Variants in LGR4 observed in about 807,000 individuals in gnomAD.
LGR4 encodes leucine rich repeat containing G protein-coupled receptor 4.
A neutral mutation model predicts 84.8 loss-of-function variants in LGR4; 44 were observed. That is an observed-to-expected ratio of 0.52 (90% CI 0.41 to 0.67). The LOEUF is 0.67. Ranked by LOEUF, LGR4 falls within the 30% of genes least tolerant of loss-of-function variation. The pLI is 0.00. For missense variants in LGR4, 1,032 were observed against 1,131.4 expected, an observed-to-expected ratio of 0.91 and a Z score of 1.26; for synonymous variants, 429 against 434.3, an observed-to-expected ratio of 0.99 and a Z score of 0.15.
chr11:27,370,204 A>T (rs1862854164), intron 17 of LGR4, among the ~76,000 whole-genome samples: 1 of 152,252 alleles, frequency 6.6e-6, no homozygotes, highest in South Asian at 2.1e-4. Flanking sequence ...AATTGTTAAG[A>T]TATTCACAGA....
At chr11:27,420,169 A>T (rs901203156) in intron 1 of LGR4, among the ~76,000 whole-genome samples, 3 of 152,172 alleles carry the variant, frequency 2.0e-5, no homozygotes, top group Admixed American at 2.0e-4. Flanking sequence ...GAAAAAAAAT[A>T]ATTCATCCTA....
intron 1 of LGR4, among the ~76,000 whole-genome samples, 177 bp from the exon 2 acceptor site, chr11:27,413,037 TTC>T (rs1863740646): frequency 1.3e-5 from 2 of 152,084 alleles, no homozygotes; most frequent in Admixed American, 1.3e-4. Context: ...AAGTTAAATG[TTC>T]TGTTATAAAT....
At chr11:27,445,986 C>T (rs923582310) in intron 1 of LGR4, among the ~76,000 whole-genome samples, 2 of 152,060 alleles carry the variant, frequency 1.3e-5, no homozygotes, top group African/African-American at 2.4e-5. Context: ...AATAGAATAT[C>T]GAAAGACAAT....
At chr11:27,394,809 C>T (rs1007086299) in intron 2 of LGR4, among the ~76,000 whole-genome samples, 2 of 152,048 alleles carry the variant, frequency 1.3e-5, no homozygotes, top group African/African-American at 4.8e-5. Flanking sequence ...ACTTGGGTCA[C>T]AAGCTACCGT....
rs369897268 is a variant in LGR4 at position 27,368,621 on chromosome 11, G to A, written c.2102C>T (p.Thr701Met). 1.9e-4 allele frequency: 313 copies of A among 1,613,850 alleles called. No individual in the cohort carries two copies. The highest frequency in any genetic ancestry group is 4.9e-4 in the Middle Eastern group (3 of 6,062). The change falls in exon 18 of 18, where the codon ACG becomes ATG. Residue 701 changes from threonine to methionine, a missense_variant. Physicochemically the swap from Thr to Met is moderately conservative, Grantham distance 81. Transcript: ENST00000379214. ...CGTTACAGTGAATCCTAATGATGGCGTTTCACCTGTAGGAAATGGCAAACA... is the reference window on the plus strand; with the variant it reads ...CGTTACAGTGAATCCTAATGATGGCATTTCACCTGTAGGAAATGGCAAACA... ...PLCLPFPTGETPSLGFTVTLV... is the reference protein window; with the variant it reads ...PLCLPFPTGEMPSLGFTVTLV...
At position 27,461,354 on chromosome 11, in the gene LGR4, A is replaced by T. The variant is rs574215452; in HGVS notation, c.185+10764T>A. Among the ~76,000 whole-genome samples, 108 of 152,198 alleles carry T rather than the reference A, an allele frequency of 7.1e-4. 4 individuals carry two copies. In the South Asian group the frequency reaches 0.015, roughly 21 times the overall value. On this transcript the variant is annotated intron_variant, in intron 1 of 17. Transcript: ENST00000379214. ...CCTATCTCCATAAATTAAAAAAAAA[A>T]AAATAACACATAGGTACCCCATAAC... is the stretch of plus-strand genomic sequence containing the variant.
At chr11:27,452,312 G>A (rs1424595709) in intron 1 of LGR4, among the ~76,000 whole-genome samples, 1 of 152,090 alleles carries the variant, frequency 6.6e-6, no homozygotes, top group South Asian at 2.1e-4. Context: ...GACAGTTCCT[G>A]CATACCCTTC....
At chr11:27,386,974 G>T (rs1863199962) in intron 4 of LGR4, among the ~76,000 whole-genome samples, 1 of 152,162 alleles carries the variant, frequency 6.6e-6, no homozygotes, top group Admixed American at 6.5e-5. Flanking sequence ...TGCCTACAGA[G>T]CTGTTTAGGA....
intron 4 of LGR4, chr11:27,385,677 C>A: frequency 2.5e-6 from 1 of 400,410 alleles, no homozygotes; most frequent in Non-Finnish European, 4.4e-6. Context: ...ATAAGAATGG[C>A]ATGTATCCAA....
chr11:27,472,380 C>T lies in LGR4; in HGVS notation c.-78G>A, dbSNP rs1864896406. ...GCCCTCCGATGTCCCCCGCCGCCCC[C>T]GGGCAGCCGGCCTGCGGGCTGGAGC... On this transcript the variant is annotated 5_prime_UTR_variant, in exon 1 of 18. Coordinates refer to ENST00000379214, the MANE Select transcript of LGR4 (RefSeq NM_018490.5). 2 of 1,120,728 alleles carry T rather than the reference C, an allele frequency of 1.8e-6. No homozygotes were observed. Among genetic ancestry groups the T allele is most frequent in the Admixed American group, 4.5e-5 (1 of 22,376 alleles). 69.4% of individuals were successfully genotyped at this position (1,120,728 alleles called of 1,614,324 possible).
chr11:27,411,698 C>G (rs1863714412), intron 2 of LGR4, among the ~76,000 whole-genome samples: 1 of 152,116 alleles, frequency 6.6e-6, no homozygotes, highest in Non-Finnish European at 1.5e-5. Flanking sequence ...CAAATAATCT[C>G]TGTTCAACTT....
chr11:27,423,248 C>T (rs2133411732), intron 1 of LGR4, among the ~76,000 whole-genome samples: 1 of 152,278 alleles, frequency 6.6e-6, no homozygotes, highest in Middle Eastern at 3.4e-3. Flanking sequence ...AGGCACTGAC[C>T]TCATTATGTT....
At chr11:27,384,588 C>T (rs75149876) in intron 5 of LGR4, among the ~76,000 whole-genome samples, 181 bp from the exon 6 acceptor site, 433 of 152,224 alleles carry the variant, frequency 2.8e-3, no homozygotes, top group Non-Finnish European at 4.2e-3. Context: ...TTATCTCTTG[C>T]TATGTACACT....
intron 2 of LGR4, among the ~76,000 whole-genome samples, chr11:27,408,012 GAAT>G (rs1280599640): frequency 6.6e-5 from 10 of 152,084 alleles, no homozygotes; most frequent in Admixed American, 5.9e-4. Context: ...CCTTGATACA[GAAT>G]ATTATATAGA....
In LGR4 at chr11:27,472,670, G is replaced by T. The variant is rs1358341953; in HGVS notation, c.-368C>A. 4 of 357,966 alleles carry T rather than the reference G, an allele frequency of 1.1e-5. No homozygotes were observed. Among genetic ancestry groups the T allele is most frequent in the African/African-American group, 4.3e-5 (2 of 46,934 alleles). The allele number at this position is 357,966 out of a possible 1,614,324, so 22.2% of individuals were successfully genotyped here. On this transcript the variant is annotated 5_prime_UTR_variant, in exon 1 of 18. Coordinates refer to ENST00000379214, the MANE Select transcript of LGR4 (RefSeq NM_018490.5). The stretch of plus-strand genomic sequence containing the variant: ...GTTGCAGAGCGCAGCCTTCAGCCAT[G>T]CCGGCCACTCGCCCCAGCCCCCGCC...
chr11:27,375,757 T>G (rs1418037565), intron 13 of LGR4, among the ~76,000 whole-genome samples: 2 of 152,174 alleles, frequency 1.3e-5, no homozygotes, highest in Non-Finnish European at 2.9e-5. Context: ...ACCCTTGCCC[T>G]AATGAATTGG....
chr11:27,382,506 A>G (rs2036896523), intron 6 of LGR4, among the ~76,000 whole-genome samples: 1 of 152,180 alleles, frequency 6.6e-6, no homozygotes, highest in Admixed American at 6.5e-5. Context: ...AGTTCAAATA[A>G]TTTTCAGAAT....
intron 1 of LGR4, among the ~76,000 whole-genome samples, chr11:27,413,740 T>C (rs115796995): frequency 0.052 from 7,902 of 152,164 alleles, 251 homozygotes; most frequent in Middle Eastern, 0.095. Context: ...ACTTCACATG[T>C]AGGACATGTC....
intron 7 of LGR4, among the ~76,000 whole-genome samples, chr11:27,381,525 T>A (rs116819224): frequency 0.032 from 4,843 of 151,922 alleles, 209 homozygotes; most frequent in African/African-American, 0.099. Context: ...CTAGAAAAAA[T>A]TTAACAATTA....
Sources: allele counts gnomAD v4.1 joint callset (sites outside exome capture counted in the v4.1 genomes callset), GRCh38; gene constraint gnomAD v4.1.1; transcripts MANE v1.5; gene names NCBI Gene and HGNC (gene_info 2026-07-23, HGNC 2026-07-21).